Variants in FMO1 observed in about 807,000 individuals in gnomAD.
The protein encoded by FMO1 is flavin-containing monooxygenase 1.
FMO1 carries 36 observed loss-of-function variants against 45.4 expected under a neutral mutation model. That is an observed-to-expected ratio of 0.79 (90% CI 0.61 to 1.05). The LOEUF is 1.05. Ranked by LOEUF, FMO1 falls within the 50% of genes least tolerant of loss-of-function variation. FMO1 has a pLI of 0.00. For synonymous variants in FMO1, 228 were observed against 227.2 expected, an observed-to-expected ratio of 1.00 and a Z score of -0.03; for missense variants, 615 against 640.3, an observed-to-expected ratio of 0.96 and a Z score of 0.43.
At position 171,273,722 on chromosome 1, in the gene FMO1, G is replaced by A. The variant is rs943199407; in HGVS notation, c.322-1624G>A. On this transcript the variant is annotated intron_variant, in intron 3 of 8. Transcript: ENST00000617670. Reference sequence around the variant, plus strand: ...AGTAGAGATAAGGTCTCACTATGCCGCCCAGGGTGGTCTTGAACTCCTGAG... The same window carrying A: ...AGTAGAGATAAGGTCTCACTATGCCACCCAGGGTGGTCTTGAACTCCTGAG... Among the ~76,000 whole-genome samples the A allele has an allele frequency of 5.9e-5, 9 of 151,920 alleles. No individual in the cohort carries two copies. In the South Asian group the frequency reaches 8.3e-4, roughly 14 times the overall value.
rs763261289 is a variant in FMO1, at chr1:171,274,266, C to CT, written c.322-1068dup. On this transcript the variant is annotated intron_variant, in intron 3 of 8. Coordinates refer to ENST00000617670, the MANE Select transcript of FMO1 (RefSeq NM_001282693.2). Reference sequence around the variant, plus strand: ...TATATTCCAAATTTTTAATGACAAGCTTTTTTTTTTTTGAGACAAGGTCTC... The same window carrying CT: ...TATATTCCAAATTTTTAATGACAAGCTTTTTTTTTTTTTGAGACAAGGTCTC... Among the ~76,000 whole-genome samples, 1,202 of 141,998 alleles carry CT rather than the reference C, an allele frequency of 8.5e-3. 15 individuals are homozygous for CT. The highest frequency in any genetic ancestry group is 0.026 in the African/African-American group (1,033 of 39,006). 93.2% of individuals were successfully genotyped at this position (141,998 alleles called of 152,430 possible).
At chr1:171,257,885 C>T (rs1660224966) in intron 1 of FMO1, 197 bp from the exon 2 acceptor site, 7 of 568,440 alleles carry the variant, frequency 1.2e-5, no homozygotes, top group Middle Eastern at 5.0e-4. Flanking sequence ...GCATGAGGGG[C>T]GGGAACATAC....
At chr1:171,282,380 A>G (rs778201322) in intron 7 of FMO1, 47 bp downstream of exon 7, 6 of 1,228,384 alleles carry the variant, frequency 4.9e-6, no homozygotes, top group Non-Finnish European at 7.0e-6. Context: ...GTGCCATGTG[A>G]TTCTGGATAC....
intron 2 of FMO1, among the ~76,000 whole-genome samples, chr1:171,258,776 A>G (rs1660269227): frequency 6.6e-6 from 1 of 152,100 alleles, no homozygotes; most frequent in African/African-American, 2.4e-5. Context: ...TCTTTTTTTT[A>G]TTCCCTGAGC....
At chr1:171,268,639 C>A (rs1019242329) in intron 3 of FMO1, among the ~76,000 whole-genome samples, 1 of 151,750 alleles carries the variant, frequency 6.6e-6, no homozygotes, top group Non-Finnish European at 1.5e-5. Flanking sequence ...TCTGTTTCCT[C>A]TCCAAGAAAC....
At chr1:171,257,956 C>T in intron 1 of FMO1, 126 bp from the exon 2 acceptor site, 1 of 1,057,252 alleles carries the variant, frequency 9.5e-7, no homozygotes, top group Middle Eastern at 3.0e-4. Context: ...CACCAGAGAC[C>T]CGCTACAGAA....
chr1:171,252,987 G>T (rs934963553), intron 1 of FMO1, among the ~76,000 whole-genome samples: 4 of 152,152 alleles, frequency 2.6e-5, no homozygotes, highest in African/African-American at 7.2e-5. Context: ...GAGTGAAGCT[G>T]ATATTGATAT....
At chr1:171,273,741 TC>T (rs1163285717) in intron 3 of FMO1, among the ~76,000 whole-genome samples, 4 of 152,156 alleles carry the variant, frequency 2.6e-5, no homozygotes, top group African/African-American at 9.7e-5. Context: ...GGTCTTGAAC[TC>T]CTGAGCTCAA....
At chr1:171,257,777 T>C (rs1486284371) in intron 1 of FMO1, 1 of 373,938 alleles carries the variant, frequency 2.7e-6, no homozygotes, top group Non-Finnish European at 5.1e-6. Flanking sequence ...AGCAGCTCAG[T>C]CTGAAGTGCA....
chr1:171,277,478 A>G (rs1000753161), intron 4 of FMO1, among the ~76,000 whole-genome samples: 53 of 152,020 alleles, frequency 3.5e-4, no homozygotes, highest in African/African-American at 1.1e-3. Context: ...CTACTTACTA[A>G]CACAGCCACA....
rs1385620166 is a variant in FMO1, at chr1:171,284,210, T to C, written c.1257-992T>C. Among the ~76,000 whole-genome samples the C allele has an allele frequency of 2.0e-5, 3 of 150,058 alleles. No individual in the cohort carries two copies. In the East Asian group the frequency reaches 5.9e-4, roughly 30 times the overall value. ...AAACAAAAAACAGCAAGTTTTAAAA[T>C]CATTGCATCTAAGGAACTTATTATC... On this transcript the variant is annotated intron_variant, in intron 8 of 8. Transcript: ENST00000617670.
chr1:171,261,625 T>G (rs1157690847), intron 2 of FMO1, among the ~76,000 whole-genome samples: 15 of 152,174 alleles, frequency 9.9e-5, no homozygotes, highest in Non-Finnish European at 7.3e-5. Context: ...GGCTCATGCC[T>G]GTAATCCCAG....
At chr1:171,264,356 A>C (rs1405660315) in intron 2 of FMO1, among the ~76,000 whole-genome samples, 1 of 148,990 alleles carries the variant, frequency 6.7e-6, no homozygotes, top group Admixed American at 6.7e-5. Flanking sequence ...ACACACATTT[A>C]TATATATATT....
chr1:171,263,473 A>T (rs1660465431), intron 2 of FMO1, among the ~76,000 whole-genome samples: 1 of 152,190 alleles, frequency 6.6e-6, no homozygotes. Context: ...CAGCTCAAGA[A>T]TCAGGCAAAT....
intron 3 of FMO1, 75 bp from the exon 4 acceptor site, chr1:171,275,271 T>A: frequency 8.5e-7 from 1 of 1,170,956 alleles, no homozygotes; most frequent in Non-Finnish European, 1.2e-6. Context: ...TTTTAAAATA[T>A]CAATGGTACA....
At chr1:171,275,719 A>G (rs1465558656) in intron 4 of FMO1, among the ~76,000 whole-genome samples, 5 of 152,118 alleles carry the variant, frequency 3.3e-5, no homozygotes. Context: ...CTGTGAATAC[A>G]TAAGAGCAAA....
At chr1:171,283,299 G>GAAAAAAAAAAAAAAAAAAAAAAA (rs1661468450) in intron 8 of FMO1, 83 bp downstream of exon 8, 2 of 336,858 alleles carry the variant, frequency 5.9e-6, no homozygotes, top group East Asian at 5.8e-5. Flanking sequence ...AAAAAAAAAG[G>GAAAAAAAAAAAAAAAAAAAAAAA]AAATGAAAAA....
intron 3 of FMO1, chr1:171,271,331 T>A (rs1303806495): frequency 7.5e-7 from 1 of 1,341,820 alleles, no homozygotes; most frequent in African/African-American, 1.5e-5. Flanking sequence ...TTGAACTTCT[T>A]TTTTGTCTCC....
At chr1:171,254,636 G>A (rs913126361) in intron 1 of FMO1, among the ~76,000 whole-genome samples, 10 of 152,094 alleles carry the variant, frequency 6.6e-5, no homozygotes, top group East Asian at 3.9e-4. Flanking sequence ...ATACACTGTC[G>A]TTGGTCTAGC....
Sources: allele counts gnomAD v4.1 joint callset (sites outside exome capture counted in the v4.1 genomes callset), GRCh38; gene constraint gnomAD v4.1.1; transcripts MANE v1.5; gene names NCBI Gene and HGNC (gene_info 2026-07-23, HGNC 2026-07-21).